TLL2: variants seen among roughly 807,000 people sequenced by gnomAD.
The protein encoded by TLL2 is tolloid like 2.
TLL2 carries 106 observed loss-of-function variants against 123.0 expected under a neutral mutation model. The observed-to-expected ratio is 0.86, with a 90% CI of 0.74 to 1.01. TLL2 has a LOEUF of 1.01. TLL2 is among the 50% of genes least tolerant of loss of function. The probability of loss-of-function intolerance (pLI) is 0.00; values close to 1 mark genes in which losing one functional copy is unlikely to be tolerated. For missense variants in TLL2, 1,332 were observed against 1,336.7 expected (o/e 1.00, Z 0.06); for synonymous variants, 494 against 516.8 (o/e 0.96, Z 0.60).
chr10:96,442,616 C>G (rs1294139535), intron 3 of TLL2, among the ~76,000 whole-genome samples: 4 of 152,310 alleles, frequency 2.6e-5, no homozygotes. Flanking sequence ...TCGAACAAAC[C>G]AGGGCCATTT....
intron 2 of TLL2, among the ~76,000 whole-genome samples, chr10:96,469,325 C>T (rs1459988634): frequency 6.6e-6 from 1 of 152,280 alleles, no homozygotes; most frequent in Non-Finnish European, 1.5e-5. Flanking sequence ...CTCAGGCCAG[C>T]TCTCTGCTTT....
intron 2 of TLL2, among the ~76,000 whole-genome samples, chr10:96,462,646 T>C (rs1026086100): frequency 9.2e-5 from 14 of 152,260 alleles, no homozygotes; most frequent in African/African-American, 3.1e-4. Flanking sequence ...CCTTGTTTTA[T>C]GTGTGTTTCT....
chr10:96,454,204 G>C (rs1352444570), intron 2 of TLL2, among the ~76,000 whole-genome samples: 1 of 152,124 alleles, frequency 6.6e-6, no homozygotes, highest in Non-Finnish European at 1.5e-5. Context: ...GGAAAGAAAA[G>C]CTTTTGAGGG....
At position 96,376,774 on chromosome 10, in the gene TLL2, C is replaced by T; in HGVS notation, c.2366G>A (p.Ser789Asn). ...GGGGTATTTGTCAGGCCAGTTGGGG[C>T]TCGCCAGGGTCCCCTCCACACTGCT... ...KISSVEGTLA[S>N]PNWPDKYPSR... is the part of the protein sequence containing the mutation. Residue 789 changes from serine (S) to asparagine (N), a missense_variant, in exon 18 of 21, where the codon AGC becomes AAC. Ser to Asn is a conservative substitution (Grantham distance 46, BLOSUM62 1). Transcript: ENST00000357947. The T allele has an allele frequency of 6.3e-7, 1 of 1,594,366 alleles. No individual in the cohort carries two copies. Among genetic ancestry groups the T allele is most frequent in the Admixed American group, 1.8e-5 (1 of 56,700 alleles).
intron 14 of TLL2, 22 bp downstream of exon 14, chr10:96,386,931 G>A: frequency 6.2e-7 from 1 of 1,613,534 alleles, no homozygotes; most frequent in Non-Finnish European, 8.5e-7. Flanking sequence ...TCTCATTCTA[G>A]CTTGGCAGGT....
At chr10:96,491,394 A>AAG (rs1554940932) in intron 1 of TLL2, among the ~76,000 whole-genome samples, 26 of 149,168 alleles carry the variant, frequency 1.7e-4, no homozygotes, top group African/African-American at 4.8e-4. Context: ...AAAAAAAAAA[A>AAG]AAAAGAAAAG....
chr10:96,502,398 C>T (rs1193530247), intron 1 of TLL2, among the ~76,000 whole-genome samples: 2 of 152,188 alleles, frequency 1.3e-5, no homozygotes, highest in Admixed American at 6.5e-5. Flanking sequence ...AGAGTAGCGT[C>T]AAGGAGGCCA....
At chr10:96,386,291 G>A in intron 14 of TLL2, 76 bp from the exon 15 acceptor site, 1 of 1,385,268 alleles carries the variant, frequency 7.2e-7, no homozygotes. Context: ...AGGAGCAATA[G>A]AGCCTTGCTG....
chr10:96,458,708 T>C (rs1589427523), intron 2 of TLL2, among the ~76,000 whole-genome samples: 1 of 150,434 alleles, frequency 6.6e-6, no homozygotes, highest in Admixed American at 6.6e-5. Context: ...GAGGCAGAGG[T>C]TGCAGTAAGC....
intron 1 of TLL2, among the ~76,000 whole-genome samples, chr10:96,493,474 G>A (rs1343447538): frequency 6.6e-6 from 1 of 152,192 alleles, no homozygotes; most frequent in Non-Finnish European, 1.5e-5. Context: ...TGTCAGGGCA[G>A]GAGCAGGAGG....
chr10:96,431,836 C>T (rs1846744667), intron 4 of TLL2, among the ~76,000 whole-genome samples: 1 of 152,056 alleles, frequency 6.6e-6, no homozygotes, highest in South Asian at 2.1e-4. Flanking sequence ...TGTCCCTTGA[C>T]ATAAGACTCA....
chr10:96,424,304 A>G (rs1317652856), intron 5 of TLL2, among the ~76,000 whole-genome samples: 2 of 152,198 alleles, frequency 1.3e-5, no homozygotes, highest in East Asian at 3.8e-4. Flanking sequence ...AAAAACAACT[A>G]AAAGAGTGTA....
intron 2 of TLL2, among the ~76,000 whole-genome samples, chr10:96,449,855 C>G (rs535866085): frequency 6.6e-6 from 1 of 152,262 alleles, no homozygotes; most frequent in Admixed American, 6.5e-5. Context: ...CCTACTGGTC[C>G]TTCAAGTCTC....
At chr10:96,371,320 C>CAA (rs113456838) in intron 19 of TLL2, among the ~76,000 whole-genome samples, 1 of 115,646 alleles carries the variant, frequency 8.6e-6, no homozygotes, top group Non-Finnish European at 1.8e-5. Flanking sequence ...AACTCCGTAT[C>CAA]AAAAAAAAAA....
chr10:96,410,462 G>T lies in TLL2; in HGVS notation c.1061C>A (p.Thr354Asn). Residue 354 changes from threonine (T) to asparagine (N), a missense_variant, in exon 9 of 21, where the codon ACC becomes AAC. Thr to Asn is a moderately conservative substitution (Grantham distance 65, BLOSUM62 0). Transcript: ENST00000357947. ...KLYKCPACGE[T>N]LQDTTGNFSA... ...AAAGTTTCCCGTTGTGTCCTGCAGG[G>T]TCTCCCCACACGCTGCACAAGCAAA... 1 of 1,613,948 alleles carries T rather than the reference G, an allele frequency of 6.2e-7. No individual in the cohort carries two copies. Among genetic ancestry groups the T allele is most frequent in the Non-Finnish European group, 8.5e-7 (1 of 1,179,966 alleles).
intron 13 of TLL2, among the ~76,000 whole-genome samples, chr10:96,394,529 G>A (rs1846319194): frequency 1.3e-5 from 2 of 152,174 alleles, no homozygotes; most frequent in Non-Finnish European, 1.5e-5. Flanking sequence ...AGGGCAACAC[G>A]GAAATTTGTT....
chr10:96,472,437 A>T (rs1160254098), intron 2 of TLL2, among the ~76,000 whole-genome samples: 3 of 152,184 alleles, frequency 2.0e-5, no homozygotes, highest in African/African-American at 4.8e-5. Context: ...AGGCTGAAAA[A>T]TCACAGCCCC....
intron 10 of TLL2, among the ~76,000 whole-genome samples, chr10:96,402,057 T>G (rs1183978700): frequency 6.6e-6 from 1 of 152,214 alleles, no homozygotes; most frequent in East Asian, 1.9e-4. Flanking sequence ...CTCATAAAAG[T>G]GTGGGATTAA....
chr10:96,413,457 T>C, intron 7 of TLL2, 141 bp from the exon 8 acceptor site: 3 of 1,061,256 alleles, frequency 2.8e-6, no homozygotes, highest in Non-Finnish European at 4.0e-6. Flanking sequence ...CTGGCATGAC[T>C]GAAGAGGTTT....
Sources: gnomAD v4.1 joint callset for allele counts (sites outside exome capture counted in the v4.1 genomes callset) on GRCh38, gnomAD v4.1.1 for gene constraint, MANE v1.5 for transcripts, NCBI Gene and HGNC (gene_info 2026-07-23, HGNC 2026-07-21) for gene names.